SLC39A3: variants seen among roughly 807,000 people sequenced by gnomAD.
SLC39A3 encodes zinc transporter ZIP3.
Under a neutral mutation model 5.1 loss-of-function variants are expected in SLC39A3, and 3 were observed. The observed-to-expected ratio is 0.59, with a 90% CI of 0.27 to 1.54. SLC39A3 has a LOEUF of 1.54. Among genes scored for constraint, SLC39A3 ranks in the 40% most tolerant of loss-of-function variants. The pLI, the probability that SLC39A3 is intolerant of heterozygous loss-of-function variation, is 0.12. For synonymous variants in SLC39A3, 250 were observed against 218.8 expected (o/e 1.14, Z -1.26); for missense variants, 412 against 436.4 (o/e 0.94, Z 0.50).
chr19:2,733,490 AG>A lies in SLC39A3; in HGVS notation c.211-6del. On this transcript the variant is annotated splice_region_variant and splice_polypyrimidine_tract_variant and intron_variant, in intron 2 of 2. Transcript: ENST00000269740. This position sits in a 1 kb window ranked among gnomAD's most constrained non-coding sequence, Gnocchi z 6.1. ...GAGGCTCAGGACCTTCTGGAGCTGC[AG>A]CCGGGGACACCCGAGAGAGAGAGAG... The A allele has an allele frequency of 6.2e-7, 1 of 1,604,992 alleles. No individual in the cohort carries two copies. The highest frequency in any genetic ancestry group is 8.5e-7 in the Non-Finnish European group (1 of 1,174,796).
chr19:2,734,787 G>A lies in SLC39A3; in HGVS notation c.211-1302C>T, dbSNP rs1209285102. 26 of 985,380 alleles carry A rather than the reference G, an allele frequency of 2.6e-5. No individual in the cohort carries two copies. Among genetic ancestry groups the A allele is most frequent in the Non-Finnish European group, 3.1e-5 (26 of 829,968 alleles). The allele number at this position is 985,380 out of a possible 1,614,324, so 61.0% of individuals were successfully genotyped here. Reference sequence around the variant, plus strand: ...CAGAAGGCTGTGTTTCCACGGAGAAGCCACTTAACTCCCTCACTGACCACC... The same window carrying A: ...CAGAAGGCTGTGTTTCCACGGAGAAACCACTTAACTCCCTCACTGACCACC... On this transcript the variant is annotated intron_variant, in intron 2 of 2. Transcript: ENST00000269740. The surrounding 1 kb of genome is among the most constrained non-coding windows in gnomAD (Gnocchi z 4.6).
chr19:2,734,720 G>A lies in SLC39A3; in HGVS notation c.211-1235C>T. 2.0e-6 allele frequency: 2 copies of A among 985,252 alleles called. No individual in the cohort carries two copies. Among genetic ancestry groups the A allele is most frequent in the Non-Finnish European group, 2.4e-6 (2 of 829,744 alleles). 61.0% of individuals were successfully genotyped at this position (985,252 alleles called of 1,614,324 possible). On this transcript the variant is annotated intron_variant, in intron 2 of 2. Transcript: ENST00000269740. This position sits in a 1 kb window ranked among gnomAD's most constrained non-coding sequence, Gnocchi z 4.6. The stretch of plus-strand genomic sequence containing the variant: ...ACAATGTCCCCAGGCATCGCCCAGT[G>A]TTCCCTGGGGGCAGTTCACGCTGGG...
At chr19:2,738,056 G>A (rs369168523) in intron 1 of SLC39A3, among the ~76,000 whole-genome samples, 20 of 151,536 alleles carry the variant, frequency 1.3e-4, no homozygotes, top group South Asian at 8.4e-4. Context: ...AAAATTAGCC[G>A]GCCGTGGTGG....
intron 1 of SLC39A3, chr19:2,737,610 T>C: frequency 4.1e-6 from 1 of 242,250 alleles, no homozygotes; most frequent in Non-Finnish European, 8.3e-6. Flanking sequence ...GGTTTCATCA[T>C]GTTGGCCAGG....
At position 2,735,937 on chromosome 19, in the gene SLC39A3, G is replaced by A; in HGVS notation, c.210+1111C>T. The A allele has an allele frequency of 1.0e-6, 1 of 985,442 alleles. No individual in the cohort carries two copies. 61.0% of individuals were successfully genotyped at this position (985,442 alleles called of 1,614,324 possible). On this transcript the variant is annotated intron_variant, in intron 2 of 2. Coordinates refer to ENST00000269740, the MANE Select transcript of SLC39A3 (RefSeq NM_144564.5). The surrounding 1 kb of genome is among the most constrained non-coding windows in gnomAD (Gnocchi z 5.7). ...CCAGGGGTTGGGGGATAAGCTTAGGGCTTCCATGCTTTCGTTGGGAGGAAG... is the reference window on the plus strand; with the variant it reads ...CCAGGGGTTGGGGGATAAGCTTAGGACTTCCATGCTTTCGTTGGGAGGAAG...
In SLC39A3 at chr19:2,735,008, C is replaced by T. The variant is rs911729082; in HGVS notation, c.211-1523G>A. On this transcript the variant is annotated intron_variant, in intron 2 of 2. Coordinates refer to ENST00000269740, the MANE Select transcript of SLC39A3 (RefSeq NM_144564.5). The surrounding 1 kb of genome is among the most constrained non-coding windows in gnomAD (Gnocchi z 5.7). ...GGGGCTCGGGAGTAGGGACCTCATC[C>T]GCCTGACCAGCCCGAGGACAGGAGA... The T allele has an allele frequency of 6.1e-6, 6 of 985,410 alleles. No individual in the cohort carries two copies. The highest frequency in any genetic ancestry group is 4.7e-5 in the South Asian group (1 of 21,278). The allele number at this position is 985,410 out of a possible 1,614,324, so 61.0% of individuals were successfully genotyped here. A position where few individuals can be genotyped will look rare whatever the true frequency, so the allele number is the denominator to read the frequency against.
rs572659339 is a variant in SLC39A3, at chr19:2,735,283, G to A, written c.210+1765C>T. 76 of 900,488 alleles carry A rather than the reference G, an allele frequency of 8.4e-5. No homozygotes were observed. In the African/African-American group the frequency reaches 9.1e-4, roughly 11 times the overall value. The allele number at this position is 900,488 out of a possible 1,614,324, so 55.8% of individuals were successfully genotyped here. On this transcript the variant is annotated intron_variant, in intron 2 of 2. Coordinates refer to ENST00000269740, the MANE Select transcript of SLC39A3 (RefSeq NM_144564.5). The surrounding 1 kb of genome is among the most constrained non-coding windows in gnomAD (Gnocchi z 5.7). ...AACGAACGAATGCAGACTCAGCCAC[G>A]CGGAACAGCAGGAATGCGGTGTCTC...
intron 2 of SLC39A3, 102 bp downstream of exon 2, chr19:2,736,946 C>T (rs775390713): frequency 1.3e-6 from 2 of 1,568,966 alleles, no homozygotes; most frequent in Admixed American, 1.9e-5. Context: ...ACCCTTACAG[C>T]ATCAAGGCCT....
Position 2,734,881 on chromosome 19 carries a change from CAG to C in SLC39A3, c.211-1398_211-1397del, listed in dbSNP as rs1180649618. On this transcript the variant is annotated intron_variant, in intron 2 of 2. Coordinates refer to ENST00000269740, the MANE Select transcript of SLC39A3 (RefSeq NM_144564.5). This position sits in a 1 kb window ranked among gnomAD's most constrained non-coding sequence, Gnocchi z 4.6. ...AGGAACTCTAGCTACTCCCAAGAGA[CAG>C]ACGTTGATCAGGAGAGATGAGGCAG... is the stretch of plus-strand genomic sequence containing the variant. The C allele has an allele frequency of 9.1e-6, 9 of 985,382 alleles. No individual in the cohort carries two copies. The highest frequency in any genetic ancestry group is 1.1e-5 in the Non-Finnish European group (9 of 829,962). 61.0% of individuals were successfully genotyped at this position (985,382 alleles called of 1,614,324 possible). A position where few individuals can be genotyped will look rare whatever the true frequency, so the allele number is the denominator to read the frequency against.
In SLC39A3 at chr19:2,735,729, G is replaced by A. The variant is rs570089234; in HGVS notation, c.210+1319C>T. On this transcript the variant is annotated intron_variant, in intron 2 of 2. Coordinates refer to ENST00000269740, the MANE Select transcript of SLC39A3 (RefSeq NM_144564.5). This position sits in a 1 kb window ranked among gnomAD's most constrained non-coding sequence, Gnocchi z 5.7. ...ACATAATGGCAGGAGTGACACGCAC[G>A]GCAGTCCCAGCCCTACCCACACTCG... 23 of 568,624 alleles carry A rather than the reference G, an allele frequency of 4.0e-5. No homozygotes were observed. In the South Asian group the frequency reaches 7.0e-4, roughly 17 times the overall value. 35.2% of individuals were successfully genotyped at this position (568,624 alleles called of 1,614,324 possible).
intron 1 of SLC39A3, among the ~76,000 whole-genome samples, chr19:2,738,697 G>A (rs1367138461): frequency 6.6e-6 from 1 of 152,022 alleles, no homozygotes; most frequent in East Asian, 1.9e-4. Context: ...ATCACCTGAG[G>A]TCGAGAGTTC....
Position 2,735,724 on chromosome 19 carries a change from C to T in SLC39A3, c.210+1324G>A, listed in dbSNP as rs113979939. 2,499 of 512,484 alleles carry T rather than the reference C, an allele frequency of 4.9e-3. 54 individuals are homozygous for T. The highest frequency in any genetic ancestry group is 0.047 in the African/African-American group (2,245 of 47,908). The allele number at this position is 512,484 out of a possible 1,614,324, so 31.7% of individuals were successfully genotyped here. ...TTCTGACATAATGGCAGGAGTGACA[C>T]GCACGGCAGTCCCAGCCCTACCCAC... On this transcript the variant is annotated intron_variant, in intron 2 of 2. Coordinates refer to ENST00000269740, the MANE Select transcript of SLC39A3 (RefSeq NM_144564.5). The surrounding 1 kb of genome is among the most constrained non-coding windows in gnomAD (Gnocchi z 5.7).
In SLC39A3 at chr19:2,735,002, C is replaced by A. The variant is rs768061694; in HGVS notation, c.211-1517G>T. The A allele has an allele frequency of 3.0e-6, 3 of 985,440 alleles. No individual in the cohort carries two copies. Among genetic ancestry groups the A allele is most frequent in the East Asian group, 1.1e-4 (1 of 8,802 alleles). 61.0% of individuals were successfully genotyped at this position (985,440 alleles called of 1,614,324 possible). Reference sequence around the variant, plus strand: ...AGGCTGGGGGCTCGGGAGTAGGGACCTCATCCGCCTGACCAGCCCGAGGAC... The same window carrying A: ...AGGCTGGGGGCTCGGGAGTAGGGACATCATCCGCCTGACCAGCCCGAGGAC... On this transcript the variant is annotated intron_variant, in intron 2 of 2. Coordinates refer to ENST00000269740, the MANE Select transcript of SLC39A3 (RefSeq NM_144564.5). This position sits in a 1 kb window ranked among gnomAD's most constrained non-coding sequence, Gnocchi z 5.7.
chr19:2,737,377 C>G lies in SLC39A3; in HGVS notation c.-120G>C. 6.9e-7 allele frequency: 1 copy of G among 1,458,064 alleles called. No individual in the cohort carries two copies. The highest frequency in any genetic ancestry group is 9.1e-7 in the Non-Finnish European group (1 of 1,100,060). The allele number at this position is 1,458,064 out of a possible 1,614,324, so 90.3% of individuals were successfully genotyped here. On this transcript the variant is annotated splice_region_variant and 5_prime_UTR_variant, in exon 2 of 3. Coordinates refer to ENST00000269740, the MANE Select transcript of SLC39A3 (RefSeq NM_144564.5). Reference sequence around the variant, plus strand: ...GTTGGAGGCTCATGTCTCAGTCCAGCAACTGTGAACATCAGGGGCACTGCA... The same window carrying G: ...GTTGGAGGCTCATGTCTCAGTCCAGGAACTGTGAACATCAGGGGCACTGCA...
At chr19:2,738,546 C>T (rs1018747879) in intron 1 of SLC39A3, among the ~76,000 whole-genome samples, 2 of 152,168 alleles carry the variant, frequency 1.3e-5, no homozygotes, top group Non-Finnish European at 2.9e-5. Context: ...GAACACTGCT[C>T]TCTTTCCCCT....
In SLC39A3 at chr19:2,733,199, C is replaced by T; in HGVS notation, c.497G>A (p.Ser166Asn). Residue 166 changes from serine to asparagine, a missense_variant, in exon 3 of 3, where the codon AGC becomes AAC. Coordinates refer to ENST00000269740, the MANE Select transcript of SLC39A3 (RefSeq NM_144564.5). The surrounding 1 kb of genome is among the most constrained non-coding windows in gnomAD (Gnocchi z 6.1). ...SLSVQGLSRA[S>N]PVRLLSLAFA... ...GGCCAGGCTGAGCAGGCGCACGGGG[C>T]TGGCGCGCGAGAGGCCCTGCACGCT... The T allele has an allele frequency of 6.2e-7, 1 of 1,607,318 alleles. No individual in the cohort carries two copies. The highest frequency in any genetic ancestry group is 1.3e-5 in the African/African-American group (1 of 74,886).
chr19:2,732,703 C>G lies in SLC39A3; in HGVS notation c.*48G>C. 6.7e-7 allele frequency: 1 copy of G among 1,499,476 alleles called. No homozygotes were observed. The highest frequency in any genetic ancestry group is 8.9e-7 in the Non-Finnish European group (1 of 1,126,092). 92.9% of individuals were successfully genotyped at this position (1,499,476 alleles called of 1,614,324 possible). A position where few individuals can be genotyped will look rare whatever the true frequency, so the allele number is the denominator to read the frequency against. On this transcript the variant is annotated 3_prime_UTR_variant, in exon 3 of 3. Coordinates refer to ENST00000269740, the MANE Select transcript of SLC39A3 (RefSeq NM_144564.5). ...GCCGGGGGACGCGGCCTGTGTCCGG[C>G]CCGGGGCTCCCGGCGGGCTCCGGCG...
At chr19:2,736,504 A>C in intron 2 of SLC39A3, 1 of 189,890 alleles carries the variant, frequency 5.3e-6, no homozygotes, top group Non-Finnish European at 1.0e-5. Flanking sequence ...CCAATGAGGA[A>C]CTGAACCTGG....
chr19:2,735,393 A>C lies in SLC39A3; in HGVS notation c.210+1655T>G. 1.1e-5 allele frequency: 2 copies of C among 178,162 alleles called. No individual in the cohort carries two copies. The highest frequency in any genetic ancestry group is 2.2e-5 in the Non-Finnish European group (2 of 91,928). 11.0% of individuals were successfully genotyped at this position (178,162 alleles called of 1,614,324 possible). A position where few individuals can be genotyped will look rare whatever the true frequency, so the allele number is the denominator to read the frequency against. On this transcript the variant is annotated intron_variant, in intron 2 of 2. Transcript: ENST00000269740. The surrounding 1 kb of genome is among the most constrained non-coding windows in gnomAD (Gnocchi z 5.7). ...AGGGTGTCATCAGGGCTGAGATCTC[A>C]CTGACACCCAGGGTCCTCTTCCAAG...
Sources: allele counts gnomAD v4.1 joint callset (sites outside exome capture counted in the v4.1 genomes callset), GRCh38; gene constraint gnomAD v4.1.1; non-coding constraint Gnocchi (gnomAD v3.1); transcripts MANE v1.5; gene names NCBI Gene and HGNC (gene_info 2026-07-23, HGNC 2026-07-21).